Variants in NLRP8 observed in about 807,000 individuals in gnomAD.
NLRP8 encodes the protein NLR family pyrin domain containing 8, also known as NACHT, LRR and PYD domains-containing protein 8.
Under a neutral mutation model 88.7 loss-of-function variants are expected in NLRP8, and 86 were observed. That is an observed-to-expected ratio of 0.97 (90% CI 0.81 to 1.16). NLRP8 has a LOEUF of 1.16. Ranked by LOEUF, NLRP8 falls within the 50% of genes most tolerant of loss-of-function variation. The probability of loss-of-function intolerance (pLI) is 0.00; values close to 1 mark genes in which losing one functional copy is unlikely to be tolerated. For missense variants in NLRP8, 1,342 were observed against 1,286.5 expected (o/e 1.04, Z -0.66); for synonymous variants, 504 against 494.6 (o/e 1.02, Z -0.25).
At chr19:55,981,767 T>G (rs1401778778) in intron 9 of NLRP8, among the ~76,000 whole-genome samples, 1 of 152,250 alleles carries the variant, frequency 6.6e-6, no homozygotes, top group African/African-American at 2.4e-5. Flanking sequence ...AACTAACTAC[T>G]ACATTCTTAA....
At chr19:55,964,824 A>G (rs1979769143) in intron 4 of NLRP8, among the ~76,000 whole-genome samples, 2 of 152,148 alleles carry the variant, frequency 1.3e-5, no homozygotes, top group South Asian at 4.1e-4. Context: ...ATATATGCAT[A>G]GTCCAAACTC....
rs1491243117 is a variant in NLRP8, at chr19:55,961,416, T to TA, written c.2043-645dup. On this transcript the variant is annotated intron_variant, in intron 3 of 9. Coordinates refer to ENST00000291971, the MANE Select transcript of NLRP8 (RefSeq NM_176811.2). ...CCTTTATTCTGATCCTATATTTTTTTAAAAAATAAGAATTATATATACACA... is the reference window on the plus strand; with the variant it reads ...CCTTTATTCTGATCCTATATTTTTTTAAAAAAATAAGAATTATATATACACA... Among the ~76,000 whole-genome samples the TA allele has an allele frequency of 1.3e-5, 2 of 151,936 alleles. 1 individual carries two copies.
At chr19:55,970,774 AAAG>A in intron 6 of NLRP8, 78 bp downstream of exon 6, 3 of 1,579,750 alleles carry the variant, frequency 1.9e-6, no homozygotes, top group Non-Finnish European at 2.6e-6. Context: ...TTCTGTGAGA[AAAG>A]AAGTCATAGG....
chr19:55,966,002 T>C (rs538118889), intron 4 of NLRP8, among the ~76,000 whole-genome samples: 2 of 152,254 alleles, frequency 1.3e-5, no homozygotes, highest in East Asian at 3.9e-4. Flanking sequence ...TAGCCATTCA[T>C]TTTGACTTAC....
intron 3 of NLRP8, 85 bp from the exon 4 acceptor site, chr19:55,961,982 A>G: frequency 1.4e-6 from 2 of 1,391,128 alleles, no homozygotes; most frequent in South Asian, 1.3e-5. Context: ...CCTAACCAGG[A>G]TAGGGAACAC....
intron 9 of NLRP8, among the ~76,000 whole-genome samples, chr19:55,981,402 G>C (rs1027853139): frequency 4.6e-5 from 7 of 152,086 alleles, no homozygotes; most frequent in Admixed American, 1.3e-4. Flanking sequence ...CTGCATTGGG[G>C]GCACCAAGGT....
chr19:55,951,996 C>G (rs1286415512), intron 1 of NLRP8, among the ~76,000 whole-genome samples: 1 of 152,266 alleles, frequency 6.6e-6, no homozygotes, highest in African/African-American at 2.4e-5. Context: ...AAGCAATCCT[C>G]CTGCCTCAGC....
rs974182271 is a variant in NLRP8 at position 55,976,699 on chromosome 19, C to T, written c.2876+396C>T. Among the ~76,000 whole-genome samples the T allele has an allele frequency of 1.2e-4, 5 of 40,114 alleles. No individual in the cohort carries two copies. In the South Asian group the frequency reaches 3.9e-3, roughly 31 times the overall value. 26.3% of individuals were successfully genotyped at this position (40,114 alleles called of 152,430 possible). ...TACACTTAGGAGATATATATATACACATATATGTATATAAAGATACATATA... is the reference window on the plus strand; with the variant it reads ...TACACTTAGGAGATATATATATACATATATATGTATATAAAGATACATATA... On this transcript the variant is annotated intron_variant, in intron 8 of 9. Coordinates refer to ENST00000291971, the MANE Select transcript of NLRP8 (RefSeq NM_176811.2).
intron 1 of NLRP8, among the ~76,000 whole-genome samples, chr19:55,949,545 G>A (rs993413860): frequency 6.6e-6 from 1 of 152,010 alleles, no homozygotes; most frequent in African/African-American, 2.4e-5. Context: ...GCCTAGATAT[G>A]TATTTAAAAA....
rs960385667 is a variant in NLRP8, at chr19:55,988,125, G to C, written c.*212G>C. ...ATGCTATGTAAGGCTGGGCGTGGTGGCTCACGCCTGTAACCCAGCACTATG... is the reference window on the plus strand; with the variant it reads ...ATGCTATGTAAGGCTGGGCGTGGTGCCTCACGCCTGTAACCCAGCACTATG... On this transcript the variant is annotated 3_prime_UTR_variant, in exon 10 of 10. Coordinates refer to ENST00000291971, the MANE Select transcript of NLRP8 (RefSeq NM_176811.2). 1.3e-5 allele frequency: 6 copies of C among 446,528 alleles called. No individual in the cohort carries two copies. The Admixed American group carries it at 1.4e-4, about 10-fold the overall frequency. 27.7% of individuals were successfully genotyped at this position (446,528 alleles called of 1,614,324 possible).
intron 3 of NLRP8, among the ~76,000 whole-genome samples, chr19:55,956,533 C>T (rs982488074): frequency 1.3e-5 from 2 of 151,922 alleles, no homozygotes; most frequent in African/African-American, 2.4e-5. Context: ...CATGAGCCAT[C>T]GCACGCGGCC....
chr19:55,952,576 G>A lies in NLRP8; in HGVS notation c.406G>A (p.Gly136Arg), dbSNP rs534631410. 72 of 1,614,060 alleles carry A rather than the reference G, an allele frequency of 4.5e-5. No homozygotes were observed. In the South Asian group the frequency reaches 6.5e-4, roughly 15 times the overall value. ...CTTGGAACCAGAGGACTTGAATGTGGGAGAAACACAGGTGAATCTGGAGGA... is the reference window on the plus strand; with the variant it reads ...CTTGGAACCAGAGGACTTGAATGTGAGAGAAACACAGGTGAATCTGGAGGA... Residue 136 changes from glycine to arginine, a missense_variant, in exon 2 of 10, where the codon GGA becomes AGA. Transcript: ENST00000291971.
Position 55,987,914 on chromosome 19 carries a change from G to A in NLRP8, c.*1G>A, listed in dbSNP as rs764735243. ...CTGCCTATCCCAGATTAATCCTTAG[G>A]CCGTCCAGTCATCTTTCTCTGGGGC... is the stretch of plus-strand genomic sequence containing the variant. On this transcript the variant is annotated 3_prime_UTR_variant, in exon 10 of 10. Transcript: ENST00000291971. 6 of 1,604,692 alleles carry A rather than the reference G, an allele frequency of 3.7e-6. No individual in the cohort carries two copies. The highest frequency in any genetic ancestry group is 4.3e-6 in the Non-Finnish European group (5 of 1,171,668).
intron 3 of NLRP8, among the ~76,000 whole-genome samples, chr19:55,959,628 G>A (rs1979526767): frequency 6.6e-6 from 1 of 152,168 alleles, no homozygotes; most frequent in Admixed American, 6.5e-5. Flanking sequence ...GAACCAAACT[G>A]AGGGTCAGGC....
At chr19:55,959,349 C>G (rs925714435) in intron 3 of NLRP8, among the ~76,000 whole-genome samples, 1 of 151,462 alleles carries the variant, frequency 6.6e-6, no homozygotes, top group Admixed American at 6.6e-5. Context: ...GTAGCTGGGA[C>G]TACAGGCGCC....
intron 7 of NLRP8, 76 bp from the exon 8 acceptor site, chr19:55,976,057 T>G: frequency 5.5e-6 from 7 of 1,271,162 alleles, no homozygotes; most frequent in East Asian, 2.6e-5. Flanking sequence ...AACCTAAGGG[T>G]GTTTTCGTTG....
At chr19:55,974,714 C>T (rs139778391) in intron 7 of NLRP8, among the ~76,000 whole-genome samples, 1,711 of 144,772 alleles carry the variant, frequency 0.012, 40 homozygotes, top group African/African-American at 0.041. Context: ...CCAGCCTGGG[C>T]GACAGAGTGA....
In NLRP8 at chr19:55,952,549, A is replaced by AGG. The variant is rs1319182477; in HGVS notation, c.379_380insGG (p.Thr127ArgfsTer8). 3 of 1,613,752 alleles carry AGG rather than the reference A, an allele frequency of 1.9e-6. No individual in the cohort carries two copies. In the African/African-American group the frequency reaches 4.0e-5, roughly 22 times the overall value. On this transcript the variant is annotated frameshift_variant, in exon 2 of 10. Transcript: ENST00000291971. LOFTEE classifies it high-confidence loss of function. ...TTTTTCTGTTACAGCCATTCTGCCT[A>AGG]CCTTGGAACCAGAGGACTTGAATGT...
rs1256657754 is a variant in NLRP8 at position 55,988,425 on chromosome 19, A to AATATAT, written c.*517_*522dup. 2 of 85,102 alleles carry AATATAT rather than the reference A, an allele frequency of 2.4e-5. No homozygotes were observed. Among genetic ancestry groups the AATATAT allele is most frequent in the African/African-American group, 1.1e-4 (2 of 17,464 alleles). The allele number at this position is 85,102 out of a possible 1,614,324, so 5.3% of individuals were successfully genotyped here. ...GAAAAAAAAAATACATATACACATA[A>AATATAT]ATATATATATGTGTGTGTGTATATA... On this transcript the variant is annotated 3_prime_UTR_variant, in exon 10 of 10. Coordinates refer to ENST00000291971, the MANE Select transcript of NLRP8 (RefSeq NM_176811.2).
Sources: allele counts gnomAD v4.1 joint callset (sites outside exome capture counted in the v4.1 genomes callset), GRCh38; gene constraint gnomAD v4.1.1; transcripts MANE v1.5; gene names NCBI Gene and HGNC (gene_info 2026-07-23, HGNC 2026-07-21).